Variants in SI observed in about 807,000 individuals in gnomAD.
The protein encoded by SI is sucrase-isomaltase, intestinal.
In SI, 235 loss-of-function variants were observed where a neutral mutation model predicts 253.3. The observed-to-expected ratio is 0.93, with a 90% CI of 0.83 to 1.03. The LOEUF is 1.03. Ranked by LOEUF, SI falls within the 50% of genes least tolerant of loss-of-function variation. SI has a pLI of 0.00. For missense variants in SI, 2,442 were observed against 2,211.1 expected, an observed-to-expected ratio of 1.10 and a Z score of -2.09; for synonymous variants, 819 against 712.0, an observed-to-expected ratio of 1.15 and a Z score of -2.39.
At chr3:165,063,160 A>G (rs1714065038) in intron 8 of SI, among the ~76,000 whole-genome samples, 1 of 152,126 alleles carries the variant, frequency 6.6e-6, no homozygotes, top group Non-Finnish European at 1.5e-5. Flanking sequence ...GATTGTGGGA[A>G]TGAAAACACC....
chr3:165,031,231 C>T (rs922007476), intron 24 of SI, among the ~76,000 whole-genome samples: 1 of 149,630 alleles, frequency 6.7e-6, no homozygotes, highest in African/African-American at 2.4e-5. Flanking sequence ...ATCTGCATAG[C>T]TTACTTTTTG....
rs77072373 is a variant in SI at position 164,993,140 on chromosome 3, G to A, written c.4842-743C>T. On this transcript the variant is annotated intron_variant, in intron 41 of 47. Transcript: ENST00000264382. ...CCATAAACTCATGAAAGTAGAAACC[G>A]AGGTAATCTCAATAGAACAACAGTC... 4.3e-3 allele frequency among the ~76,000 whole-genome samples: 652 copies of A among 151,824 alleles called. 3 individuals are homozygous for A. The highest frequency in any genetic ancestry group is 0.015 in the African/African-American group (634 of 41,512).
intron 37 of SI, among the ~76,000 whole-genome samples, chr3:165,002,576 GA>G (rs901437944): frequency 6.6e-6 from 1 of 151,556 alleles, no homozygotes; most frequent in African/African-American, 2.4e-5. Context: ...TATAACTTGA[GA>G]AAAAAACGTG....
At position 165,007,979 on chromosome 3, in the gene SI, C is replaced by T. The variant is rs753033212; in HGVS notation, c.4199G>A (p.Ser1400Asn). 6.3e-6 allele frequency: 10 copies of T among 1,576,794 alleles called. No individual in the cohort carries two copies. In the East Asian group the frequency reaches 2.3e-4, roughly 36 times the overall value. ...ATTAGTAGTTGTTCCATTTACAAAACTTGATGGCTCATTCATATCCTTAAA... is the reference window on the plus strand; with the variant it reads ...ATTAGTAGTTGTTCCATTTACAAAATTTGATGGCTCATTCATATCCTTAAA... ...GLWIDMNEPS[S>N]FVNGTTTNQC... is the part of the protein sequence containing the mutation. The change falls in exon 36 of 48, where the codon AGT becomes AAT. Residue 1400 changes from serine (S) to asparagine (N), a missense_variant. By Grantham distance (46) the Ser-to-Asn change is conservative. Transcript: ENST00000264382.
chr3:165,063,050 T>G (rs952196826), intron 8 of SI, among the ~76,000 whole-genome samples: 3 of 152,110 alleles, frequency 2.0e-5, no homozygotes, highest in African/African-American at 7.2e-5. Context: ...CTACATTATA[T>G]GAGTTATGAT....
the SI span, among the ~76,000 whole-genome samples, chr3:165,089,571 T>A: frequency 6.6e-6 from 1 of 152,068 alleles, no homozygotes; most frequent in African/African-American, 2.4e-5. Flanking sequence ...GAGATGAGGT[T>A]AGCGATCTGC....
rs542546672 is a variant in SI, at chr3:165,029,384, G to T, written c.2892+1328C>A. On this transcript the variant is annotated intron_variant, in intron 25 of 47. Coordinates refer to ENST00000264382, the MANE Select transcript of SI (RefSeq NM_001041.4). ...GACAACAGTGTGGAGATTCCTTAAA[G>T]AATTAAAAGAAGAACTACTATTTGA... Among the ~76,000 whole-genome samples the T allele has an allele frequency of 7.3e-5, 11 of 150,568 alleles. No homozygotes were observed. The South Asian group carries it at 1.0e-3, about 14-fold the overall frequency.
chr3:165,017,694 T>C, intron 30 of SI, 21 bp from the exon 31 acceptor site: 12 of 1,611,188 alleles, frequency 7.4e-6, no homozygotes, highest in Non-Finnish European at 1.0e-5. Flanking sequence ...AATTCATGTG[T>C]GAACTAAGAG....
chr3:164,982,466 A>G (rs973389912), intron 46 of SI, 56 bp from the exon 47 acceptor site: 162 of 1,358,858 alleles, frequency 1.2e-4, no homozygotes, highest in Non-Finnish European at 1.6e-4. Flanking sequence ...AGCAATTAAA[A>G]CTTTAAAAAT....
chr3:164,987,295 T>C (rs1717485380), intron 44 of SI, 69 bp from the exon 45 acceptor site: 1 of 1,276,648 alleles, frequency 7.8e-7, no homozygotes, highest in Non-Finnish European at 1.1e-6. Flanking sequence ...TGATATGACA[T>C]CCACATAAGG....
intron 1 of SI, among the ~76,000 whole-genome samples, chr3:165,076,274 CAGTAGT>C (rs949990834): frequency 6.6e-6 from 1 of 151,608 alleles, no homozygotes; most frequent in African/African-American, 2.4e-5. Flanking sequence ...ATGCACATTA[CAGTAGT>C]AGTAGTACAC....
chr3:165,025,476 T>C (rs1340250978), intron 25 of SI, among the ~76,000 whole-genome samples: 1 of 151,050 alleles, frequency 6.6e-6, no homozygotes, highest in Non-Finnish European at 1.5e-5. Flanking sequence ...GATCTAGACA[T>C]CCAAATACAA....
rs371895694 is a variant in SI, at chr3:165,010,898, A to G, written c.4063-1503T>C. On this transcript the variant is annotated intron_variant, in intron 34 of 47. Transcript: ENST00000264382. Reference sequence around the variant, plus strand: ...GTGGTTCTCAAGAATAGTGGGTGGAACTCAAGTTGAAATAACACTTTTTTC... The same window carrying G: ...GTGGTTCTCAAGAATAGTGGGTGGAGCTCAAGTTGAAATAACACTTTTTTC... Among the ~76,000 whole-genome samples, 61 of 152,272 alleles carry G rather than the reference A, an allele frequency of 4.0e-4. No individual in the cohort carries two copies. The South Asian group carries it at 6.0e-3, about 15-fold the overall frequency.
intron 25 of SI, among the ~76,000 whole-genome samples, chr3:165,024,667 T>C (rs1711808080): frequency 6.6e-6 from 1 of 151,198 alleles, no homozygotes; most frequent in South Asian, 2.1e-4. Context: ...CTCCACCCTC[T>C]CTCTTGCATC....
intron 3 of SI, 27 bp from the exon 4 acceptor site, chr3:165,069,222 T>G: frequency 7.4e-7 from 1 of 1,348,810 alleles, no homozygotes; most frequent in Non-Finnish European, 1.1e-6. Context: ...AAAGGAATTA[T>G]ATAATTACTA....
intron 13 of SI, among the ~76,000 whole-genome samples, chr3:165,051,771 A>T (rs2108236377): frequency 6.6e-6 from 1 of 152,154 alleles, no homozygotes. Flanking sequence ...AATTTGCCAT[A>T]AATTTCACAA....
the SI span, among the ~76,000 whole-genome samples, chr3:165,089,916 G>C: frequency 6.6e-6 from 1 of 152,078 alleles, no homozygotes; most frequent in Non-Finnish European, 1.5e-5. Context: ...AGAGAAACAA[G>C]AGAGAGAGAC....
chr3:165,015,848 A>G, intron 32 of SI, 104 bp downstream of exon 32: 3 of 1,021,424 alleles, frequency 2.9e-6, no homozygotes, highest in Non-Finnish European at 4.6e-6. Flanking sequence ...GTGTTACTCA[A>G]AGTTATATAC....
Position 165,049,843 on chromosome 3 carries a change from A to G in SI, c.1545T>C (p.Gly515=), listed in dbSNP as rs1434746202. 12 of 1,608,752 alleles carry G rather than the reference A, an allele frequency of 7.5e-6. No individual in the cohort carries two copies. The South Asian group carries it at 1.1e-4, about 15-fold the overall frequency. Residue 515 remains glycine, a synonymous_variant, in exon 14 of 48, where the codon GGT becomes GGC. Transcript: ENST00000264382. ...DMNEVSSFIQ[G]STKGCNVNKL... is the part of the protein sequence containing the mutation. ...TGTTTACATTACATCCTTTTGTTGA[A>G]CCTTGAATAAAGCTGGAAACTTCAT... is the stretch of plus-strand genomic sequence containing the variant.
Sources: gnomAD v4.1 joint callset for allele counts (sites outside exome capture counted in the v4.1 genomes callset) on GRCh38, gnomAD v4.1.1 for gene constraint, MANE v1.5 for transcripts, NCBI Gene and HGNC (gene_info 2026-07-23, HGNC 2026-07-21) for gene names.